GNAL: variants seen among roughly 807,000 people sequenced by gnomAD.
The protein encoded by GNAL is G protein subunit alpha L.
Under a neutral mutation model 55.1 loss-of-function variants are expected in GNAL, and 18 were observed. The ratio of observed to expected loss-of-function variants is 0.33; its 90% CI spans 0.23 to 0.48. GNAL has a LOEUF of 0.48. GNAL is among the 20% of genes least tolerant of loss of function. The probability of loss-of-function intolerance (pLI) is 0.99; values close to 1 mark genes in which losing one functional copy is unlikely to be tolerated. For missense variants in GNAL, 412 were observed against 614.1 expected, an observed-to-expected ratio of 0.67 and a Z score of 3.48; for synonymous variants, 253 against 237.0, an observed-to-expected ratio of 1.07 and a Z score of -0.62.
chr18:11,821,875 C>G (rs1013099088), intron 4 of GNAL, among the ~76,000 whole-genome samples: 1 of 152,258 alleles, frequency 6.6e-6, no homozygotes, highest in Non-Finnish European at 1.5e-5. Flanking sequence ...CCTCCCGCCT[C>G]CCTGCAGCGC....
chr18:11,816,427 G>T lies in GNAL; in HGVS notation c.625-8491G>T, dbSNP rs1416410167. Among the ~76,000 whole-genome samples, 3 of 152,074 alleles carry T rather than the reference G, an allele frequency of 2.0e-5. No individual in the cohort carries two copies. The East Asian group carries it at 5.9e-4, about 30-fold the overall frequency. On this transcript the variant is annotated intron_variant, in intron 4 of 11. Transcript: ENST00000334049. ...TTCTCCTGCCTCAGCCTCCTAAGTAGCTGGGACTACAGGCGCCCGCCACCA... is the reference window on the plus strand; with the variant it reads ...TTCTCCTGCCTCAGCCTCCTAAGTATCTGGGACTACAGGCGCCCGCCACCA...
At position 11,868,871 on chromosome 18, in the gene GNAL, T is replaced by TGTG. The variant is rs1384687202; in HGVS notation, c.1031+215_1031+217dup. Among the ~76,000 whole-genome samples the TGTG allele has an allele frequency of 6.6e-6, 1 of 151,842 alleles. No individual in the cohort carries two copies. The highest frequency in any genetic ancestry group is 2.4e-5 in the African/African-American group (1 of 41,330). ...ACAAAAAATACAAAAATTAGCCAGG[T>TGTG]GTGGTGGTGCACACCTGCCCAGTGA... On this transcript the variant is annotated intron_variant, in intron 9 of 11. Transcript: ENST00000334049. The surrounding 1 kb of genome is among the most constrained non-coding windows in gnomAD (Gnocchi z 4.0).
At chr18:11,743,279 A>G (rs1167980573) in intron 1 of GNAL, among the ~76,000 whole-genome samples, 1 of 150,106 alleles carries the variant, frequency 6.7e-6, no homozygotes, top group Non-Finnish European at 1.5e-5. Context: ...GGATGTCACC[A>G]CACCTTTGAT....
intron 1 of GNAL, among the ~76,000 whole-genome samples, chr18:11,739,889 G>A (rs1364134039): frequency 6.6e-6 from 1 of 151,312 alleles, no homozygotes; most frequent in Non-Finnish European, 1.5e-5. Context: ...ACCCTATGGG[G>A]AGACACTTTA....
chr18:11,827,367 C>G (rs923323363), intron 5 of GNAL, among the ~76,000 whole-genome samples: 1 of 152,170 alleles, frequency 6.6e-6, no homozygotes, highest in Non-Finnish European at 1.5e-5. Flanking sequence ...AATCCCAGCA[C>G]TTTGGTAGGC....
At chr18:11,822,138 G>C (rs534236090) in intron 4 of GNAL, among the ~76,000 whole-genome samples, 1 of 152,180 alleles carries the variant, frequency 6.6e-6, no homozygotes, top group African/African-American at 2.4e-5. Context: ...GGCTTAGCGC[G>C]CCTGGCTTTC....
chr18:11,776,449 G>A (rs574212382), intron 4 of GNAL, among the ~76,000 whole-genome samples: 1 of 152,270 alleles, frequency 6.6e-6, no homozygotes, highest in African/African-American at 2.4e-5. Context: ...GCTTATGCCT[G>A]TAATCCCAGC....
chr18:11,756,490 A>G lies in GNAL; in HGVS notation c.624+2545A>G, dbSNP rs572165589. On this transcript the variant is annotated intron_variant, in intron 4 of 11. Coordinates refer to ENST00000334049, the MANE Select transcript of GNAL (RefSeq NM_182978.4). ...TAACATTCTGTTGTCTTAAATGTCT[A>G]TGCACATGTCAAATGAGAGTATATT... is the stretch of plus-strand genomic sequence containing the variant. Among the ~76,000 whole-genome samples, 5 of 151,972 alleles carry G rather than the reference A, an allele frequency of 3.3e-5. No individual in the cohort carries two copies. In the South Asian group the frequency reaches 1.0e-3, roughly 31 times the overall value.
At chr18:11,762,022 A>T (rs1193376446) in intron 4 of GNAL, among the ~76,000 whole-genome samples, 4 of 152,218 alleles carry the variant, frequency 2.6e-5, no homozygotes, top group Non-Finnish European at 5.9e-5. Context: ...CACTTTGCAG[A>T]GGAAAACAGT....
chr18:11,761,890 T>C (rs959894747), intron 4 of GNAL, among the ~76,000 whole-genome samples: 3 of 152,226 alleles, frequency 2.0e-5, no homozygotes, highest in South Asian at 4.1e-4. Flanking sequence ...GAAAGACCTT[T>C]TTTTAAAATG....
chr18:11,866,412 C>T (rs2143858418), intron 7 of GNAL, among the ~76,000 whole-genome samples: 1 of 150,414 alleles, frequency 6.6e-6, no homozygotes, highest in Non-Finnish European at 1.5e-5. Flanking sequence ...GGCAGGGAAG[C>T]CTGCGAAGGT....
chr18:11,822,188 G>C (rs996896793), intron 4 of GNAL, among the ~76,000 whole-genome samples: 1 of 152,200 alleles, frequency 6.6e-6, no homozygotes, highest in African/African-American at 2.4e-5. Flanking sequence ...GGGGTTTCTC[G>C]GGCGGGGCGT....
chr18:11,754,649 A>T (rs2032980685), intron 4 of GNAL, among the ~76,000 whole-genome samples: 1 of 152,252 alleles, frequency 6.6e-6, no homozygotes, highest in Non-Finnish European at 1.5e-5. Context: ...GGAATTACAG[A>T]AAGAGCAGAA....
chr18:11,734,638 G>T (rs1568003058), intron 1 of GNAL, among the ~76,000 whole-genome samples: 1 of 151,122 alleles, frequency 6.6e-6, no homozygotes, highest in Non-Finnish European at 1.5e-5. Context: ...GGACTCTAAA[G>T]ATCTCATGGC....
At position 11,884,248 on chromosome 18, in the gene GNAL, A is replaced by G. The variant is rs1349400453; in HGVS notation, c.*3113A>G. 15 of 566,956 alleles carry G rather than the reference A, an allele frequency of 2.6e-5. No individual in the cohort carries two copies. Among genetic ancestry groups the G allele is most frequent in the Non-Finnish European group, 3.1e-5 (10 of 319,356 alleles). The allele number at this position is 566,956 out of a possible 1,614,324, so 35.1% of individuals were successfully genotyped here. A position where few individuals can be genotyped will look rare whatever the true frequency, so the allele number is the denominator to read the frequency against. On this transcript the variant is annotated 3_prime_UTR_variant, in exon 12 of 12. Coordinates refer to ENST00000334049, the MANE Select transcript of GNAL (RefSeq NM_182978.4). ...AAATGAGAAAACAGATTTGTTGTAG[A>G]GTACCTGTCCACTTTTATAGCATGA...
At chr18:11,817,957 C>T (rs376394080) in intron 4 of GNAL, among the ~76,000 whole-genome samples, 8 of 151,314 alleles carry the variant, frequency 5.3e-5, no homozygotes, top group Admixed American at 4.0e-4. Context: ...ATATACTGGC[C>T]AGGCACTATG....
At chr18:11,795,977 C>T (rs1434750177) in intron 4 of GNAL, among the ~76,000 whole-genome samples, 1 of 152,186 alleles carries the variant, frequency 6.6e-6, no homozygotes, top group Admixed American at 6.5e-5. Context: ...GCTGATCCCT[C>T]CCAGGAATGG....
intron 1 of GNAL, among the ~76,000 whole-genome samples, chr18:11,693,918 T>C (rs941041994): frequency 2.7e-5 from 4 of 149,846 alleles, no homozygotes; most frequent in Non-Finnish European, 5.9e-5. Context: ...AGTGGTGTGA[T>C]CATGGCTCAC....
Position 11,816,818 on chromosome 18 carries a change from GAA to G in GNAL, c.625-8087_625-8086del, listed in dbSNP as rs11310574. On this transcript the variant is annotated intron_variant, in intron 4 of 11. Coordinates refer to ENST00000334049, the MANE Select transcript of GNAL (RefSeq NM_182978.4). ...GACAGAGTGAGACGCTGTCTCGAAA[GAA>G]AAAAAAAAAAAAGGAACAAACTGTT... Among the ~76,000 whole-genome samples, 1,265 of 138,050 alleles carry G rather than the reference GAA, an allele frequency of 9.2e-3. 8 individuals are homozygous for G. Among genetic ancestry groups the G allele is most frequent in the Middle Eastern group, 0.019 (5 of 264 alleles). 90.6% of individuals were successfully genotyped at this position (138,050 alleles called of 152,430 possible).
Sources: gnomAD v4.1 joint callset for allele counts (sites outside exome capture counted in the v4.1 genomes callset) on GRCh38, gnomAD v4.1.1 for gene constraint, Gnocchi (gnomAD v3.1) non-coding constraint, MANE v1.5 for transcripts, NCBI Gene and HGNC (gene_info 2026-07-23, HGNC 2026-07-21) for gene names.